The following MYT1L variants were observed in gnomAD, a reference collection of about 807,000 sequenced individuals.
MYT1L encodes myelin transcription factor 1-like protein.
In MYT1L, 12 loss-of-function variants were observed where a neutral mutation model predicts 126.7. That is an observed-to-expected ratio of 0.09 (90% CI 0.06 to 0.15). The LOEUF (loss-of-function observed/expected upper bound fraction) is 0.15, where lower values mean the gene tolerates loss of function less well. Ranked by LOEUF, MYT1L falls within the 10% of genes least tolerant of loss-of-function variation. MYT1L has a pLI of 1.00. For missense variants in MYT1L, 979 were observed against 1,585.2 expected, an observed-to-expected ratio of 0.62 and a Z score of 6.49; for synonymous variants, 541 against 604.2, an observed-to-expected ratio of 0.90 and a Z score of 1.53.
chr2:2,005,034 G>A (rs1324465639), intron 4 of MYT1L, among the ~76,000 whole-genome samples: 1 of 150,674 alleles, frequency 6.6e-6, no homozygotes, highest in African/African-American at 2.4e-5. Flanking sequence ...CTTCTTTCCT[G>A]CAGGCGTTCT....
At chr2:2,190,555 TAA>T (rs777939174) in intron 2 of MYT1L, among the ~76,000 whole-genome samples, 4 of 108,436 alleles carry the variant, frequency 3.7e-5, no homozygotes, top group South Asian at 3.2e-4. Context: ...CAAGACCTGT[TAA>T]AAAAAAAAAA....
chr2:2,060,947 C>CAT (rs2070381289), intron 3 of MYT1L, among the ~76,000 whole-genome samples: 1 of 151,334 alleles, frequency 6.6e-6, no homozygotes, highest in African/African-American at 2.4e-5. Context: ...AGCACTTCTC[C>CAT]ATATATATAT....
At chr2:2,143,706 T>C (rs1402298728) in intron 3 of MYT1L, among the ~76,000 whole-genome samples, 1 of 152,018 alleles carries the variant, frequency 6.6e-6, no homozygotes, top group African/African-American at 2.4e-5. Context: ...TGGGCACAGC[T>C]AAAGAAAAGA....
At chr2:2,227,805 GA>G (rs2094051974) in intron 2 of MYT1L, among the ~76,000 whole-genome samples, 1 of 152,092 alleles carries the variant, frequency 6.6e-6, no homozygotes, top group Non-Finnish European at 1.5e-5. Context: ...CTTTTTCACT[GA>G]ATTATCAAAA....
chr2:2,045,620 C>T (rs2068085565), intron 4 of MYT1L, among the ~76,000 whole-genome samples: 2 of 152,174 alleles, frequency 1.3e-5, no homozygotes, highest in Non-Finnish European at 2.9e-5. Flanking sequence ...TAAATAAGTT[C>T]CCAGCAATGA....
intron 19 of MYT1L, among the ~76,000 whole-genome samples, chr2:1,843,365 G>A (rs1262280803): frequency 2.0e-5 from 3 of 152,198 alleles, no homozygotes; most frequent in Middle Eastern, 3.2e-3. Context: ...TTCAATGCAT[G>A]AATGAAGAAA....
intron 2 of MYT1L, among the ~76,000 whole-genome samples, chr2:2,236,034 C>T (rs75206240): frequency 0.018 from 2,797 of 152,244 alleles, 69 homozygotes; most frequent in African/African-American, 0.064. Flanking sequence ...GAACAGATTA[C>T]GAAACAACCC....
chr2:2,319,540 C>T (rs1302460886), intron 1 of MYT1L, among the ~76,000 whole-genome samples: 2 of 151,986 alleles, frequency 1.3e-5, no homozygotes, highest in African/African-American at 2.4e-5. Context: ...ATCATACGTG[C>T]CGTTGAATAG....
At chr2:2,252,752 C>T (rs1346444989) in intron 2 of MYT1L, among the ~76,000 whole-genome samples, 4 of 152,118 alleles carry the variant, frequency 2.6e-5, no homozygotes, top group African/African-American at 9.7e-5. Flanking sequence ...CTTCATCTGT[C>T]CTCACCTCCC....
intron 3 of MYT1L, among the ~76,000 whole-genome samples, chr2:2,101,719 TCCATCCATCCACTCAC>T (rs1255661937): frequency 6.6e-6 from 1 of 152,032 alleles, no homozygotes; most frequent in Admixed American, 6.6e-5. Context: ...CATCCAGCCA[TCCATCCATCCACTCAC>T]CCATCCATCC....
chr2:1,927,589 G>C (rs1291827899), intron 9 of MYT1L, among the ~76,000 whole-genome samples: 2 of 152,142 alleles, frequency 1.3e-5, no homozygotes, highest in East Asian at 3.9e-4. Context: ...TCCTGATTGA[G>C]CTACTGTTCT....
At chr2:1,845,890 C>T (rs79020661) in intron 19 of MYT1L, among the ~76,000 whole-genome samples, 3,868 of 152,244 alleles carry the variant, frequency 0.025, 61 homozygotes, top group Middle Eastern at 0.037. Flanking sequence ...TAATACTGGT[C>T]CTTTGCTTGG....
chr2:1,834,855 A>G (rs113681185), intron 21 of MYT1L, among the ~76,000 whole-genome samples: 603 of 39,108 alleles, frequency 0.015, 4 homozygotes, highest in East Asian at 0.019. Context: ...CATACCACGG[A>G]GATGGATACA....
At chr2:1,797,654 A>G (rs909892676) in intron 23 of MYT1L, among the ~76,000 whole-genome samples, 3 of 152,266 alleles carry the variant, frequency 2.0e-5, no homozygotes, top group Admixed American at 2.0e-4. Context: ...TGGACCTCAA[A>G]TAGCATTTAA....
intron 5 of MYT1L, among the ~76,000 whole-genome samples, 158 bp downstream of exon 5, chr2:1,997,033 C>T (rs2061936783): frequency 1.4e-5 from 2 of 147,152 alleles, no homozygotes; most frequent in African/African-American, 2.5e-5. Flanking sequence ...TGTACAGAAC[C>T]GAGTGTAGAC....
At chr2:1,868,172 A>C (rs2045840603) in intron 18 of MYT1L, among the ~76,000 whole-genome samples, 1 of 152,144 alleles carries the variant, frequency 6.6e-6, no homozygotes, top group Non-Finnish European at 1.5e-5. Context: ...CAGGTTGGCC[A>C]GGCTGGTTTT....
intron 2 of MYT1L, among the ~76,000 whole-genome samples, chr2:2,235,023 CCATT>C (rs940331606): frequency 2.0e-5 from 3 of 152,214 alleles, no homozygotes; most frequent in African/African-American, 7.2e-5. Flanking sequence ...TCTGCCTCTT[CCATT>C]GTCTCTTGTC....
intron 3 of MYT1L, among the ~76,000 whole-genome samples, chr2:2,080,404 G>GTA (rs2075695735): frequency 2.6e-5 from 4 of 152,032 alleles, no homozygotes; most frequent in Non-Finnish European, 4.4e-5. Flanking sequence ...AAAAGAACAA[G>GTA]AATAAATATT....
At chr2:1,862,946 C>A (rs1418584162) in intron 18 of MYT1L, among the ~76,000 whole-genome samples, 1 of 152,138 alleles carries the variant, frequency 6.6e-6, no homozygotes, top group African/African-American at 2.4e-5. Flanking sequence ...AGGTGCATTA[C>A]AAATACACCA....
Sources: allele counts gnomAD v4.1 joint callset (sites outside exome capture counted in the v4.1 genomes callset), GRCh38; gene constraint gnomAD v4.1.1; transcripts MANE v1.5; gene names NCBI Gene and HGNC (gene_info 2026-07-23, HGNC 2026-07-21).